Variants in PCA3 observed in about 807,000 individuals in gnomAD.
PCA3 encodes the protein prostate cancer associated 3.
At chr9:76,774,892 T>C (rs971384100) in intron 2 of PCA3, among the ~76,000 whole-genome samples, 1 of 152,236 alleles carries the variant, frequency 6.6e-6, no homozygotes, top group Admixed American at 6.5e-5. Context: ...CAAATTCTGT[T>C]ACCAGCTATG....
intron 2 of PCA3, among the ~76,000 whole-genome samples, chr9:76,780,669 C>T (rs984146876): frequency 2.0e-5 from 3 of 152,074 alleles, no homozygotes; most frequent in African/African-American, 4.8e-5. Flanking sequence ...CCAGCCTGGG[C>T]GACAGAGCAA....
chr9:76,771,164 A>C (rs2053060026), intron 2 of PCA3, among the ~76,000 whole-genome samples: 1 of 152,218 alleles, frequency 6.6e-6, no homozygotes, highest in South Asian at 2.1e-4. Flanking sequence ...ACATGATTTA[A>C]ATATCATATA....
chr9:76,776,315 A>T (rs1348203509), intron 2 of PCA3, among the ~76,000 whole-genome samples: 1 of 151,640 alleles, frequency 6.6e-6, no homozygotes, highest in East Asian at 1.9e-4. Flanking sequence ...GGACTCTCCG[A>T]TGTTATTATT....
intron 2 of PCA3, among the ~76,000 whole-genome samples, chr9:76,767,365 A>C (rs674941): frequency 0.47 from 70,786 of 151,616 alleles, 17,088 homozygotes; most frequent in East Asian, 0.67. Flanking sequence ...GCAGGAGAAT[A>C]GCTTGAACTC....
In PCA3 at chr9:76,774,450, C is replaced by CTTTTTTTATTTATTTATTTATTTATTTTT. The variant is rs1564272256; in HGVS notation, n.853-34126_853-34125insATTTATTTATTTATTTATTTTTTTTTTTT. ...ATCGTTCCTGGCCTCCAGTTCAACC[C>CTTTTTTTATTTATTTATTTATTTATTTTT]TTTTTTTTTTTTTTTTTTTTTTTTT... is the stretch of plus-strand genomic sequence containing the variant. On this transcript the variant is annotated intron_variant and non_coding_transcript_variant, in intron 2 of 5. Transcript: ENST00000644657. 6.5e-4 allele frequency among the ~76,000 whole-genome samples: 27 copies of CTTTTTTTATTTATTTATTTATTTATTTTT among 41,400 alleles called. 1 individual carries two copies. Among genetic ancestry groups the CTTTTTTTATTTATTTATTTATTTATTTTT allele is most frequent in the African/African-American group, 7.6e-4 (4 of 5,284 alleles). The allele number at this position is 41,400 out of a possible 152,430, so 27.2% of individuals were successfully genotyped here.
chr9:76,780,495 G>A (rs2054260148), intron 2 of PCA3, among the ~76,000 whole-genome samples: 1 of 151,966 alleles, frequency 6.6e-6, no homozygotes, highest in Admixed American at 6.6e-5. Flanking sequence ...AGACCATCCT[G>A]GCTAACACAG....
chr9:76,765,405 A>G (rs2052239316), intron 2 of PCA3, among the ~76,000 whole-genome samples: 1 of 152,248 alleles, frequency 6.6e-6, no homozygotes, highest in South Asian at 2.1e-4. Flanking sequence ...AGAGGTCACT[A>G]GTGATCTTGA....
intron 2 of PCA3, among the ~76,000 whole-genome samples, chr9:76,781,519 A>G (rs1474203162): frequency 6.6e-6 from 1 of 152,230 alleles, no homozygotes; most frequent in Admixed American, 6.5e-5. Context: ...CTTGGTTTAT[A>G]AACTTAAAAA....
At chr9:76,768,571 ATATGTATATG>A (rs1347625336) in intron 2 of PCA3, among the ~76,000 whole-genome samples, 1 of 120,148 alleles carries the variant, frequency 8.3e-6, no homozygotes, top group Non-Finnish European at 1.8e-5. Flanking sequence ...GTTGATATAT[ATATGTATATG>A]TATGTGTGTG....
At chr9:76,777,453 G>T (rs2053925332) in intron 2 of PCA3, among the ~76,000 whole-genome samples, 1 of 152,208 alleles carries the variant, frequency 6.6e-6, no homozygotes, top group African/African-American at 2.4e-5. Context: ...TCAGCACACA[G>T]ATGTCACTCC....
chr9:76,772,417 C>T (rs960501310), intron 2 of PCA3, among the ~76,000 whole-genome samples: 8 of 152,172 alleles, frequency 5.3e-5, no homozygotes, highest in Admixed American at 2.0e-4. Context: ...TAACCAATCA[C>T]TTGCTACGTA....
intron 2 of PCA3, among the ~76,000 whole-genome samples, chr9:76,767,451 C>CAA (rs33948203): frequency 0.051 from 7,521 of 146,454 alleles, 603 homozygotes; most frequent in African/African-American, 0.17. Flanking sequence ...AACTCTGTCT[C>CAA]AAAAAAAAAA....
chr9:76,783,953 C>T (rs1231408771), intron 2 of PCA3: 2 of 152,192 alleles, frequency 1.3e-5, no homozygotes, highest in Admixed American at 6.5e-5. Flanking sequence ...TTCCTCTACT[C>T]GTTTCTATCC....
intron 2 of PCA3, among the ~76,000 whole-genome samples, chr9:76,773,816 A>T (rs1325531352): frequency 2.6e-5 from 4 of 152,198 alleles, no homozygotes; most frequent in Non-Finnish European, 5.9e-5. Context: ...TGGTAAAGGG[A>T]ATTCAACAAG....
chr9:76,770,254 AT>A (rs1438347041), intron 2 of PCA3, among the ~76,000 whole-genome samples: 1 of 152,090 alleles, frequency 6.6e-6, no homozygotes, highest in East Asian at 1.9e-4. Context: ...GAGTGTGTTT[AT>A]TTTAGTTTCA....
intron 2 of PCA3, chr9:76,778,688 G>A (rs1564284000): frequency 6.6e-6 from 1 of 152,192 alleles, no homozygotes; most frequent in Admixed American, 6.5e-5. Flanking sequence ...TCTATAAAGT[G>A]GGATATAGTA....
At chr9:76,781,343 G>T (rs2131207458) in intron 2 of PCA3, among the ~76,000 whole-genome samples, 1 of 152,182 alleles carries the variant, frequency 6.6e-6, no homozygotes, top group East Asian at 1.9e-4. Flanking sequence ...CTCCAGCCAT[G>T]CCACTCCCTC....
chr9:76,770,944 T>C (rs1684326454), intron 2 of PCA3, among the ~76,000 whole-genome samples: 1 of 152,100 alleles, frequency 6.6e-6, no homozygotes, highest in Non-Finnish European at 1.5e-5. Context: ...AAAGAAGAAT[T>C]AGTAATTGAT....
chr9:76,770,481 G>A (rs773024512), intron 2 of PCA3, among the ~76,000 whole-genome samples: 1 of 152,008 alleles, frequency 6.6e-6, no homozygotes, highest in Non-Finnish European at 1.5e-5. Flanking sequence ...AATTGAAAAG[G>A]ACTCAGGATC....
Sources: allele counts gnomAD v4.1 joint callset (sites outside exome capture counted in the v4.1 genomes callset), GRCh38; gene constraint gnomAD v4.1.1; transcripts MANE v1.5; gene names NCBI Gene and HGNC (gene_info 2026-07-23, HGNC 2026-07-21).